Variants in RAB20 observed in about 807,000 individuals in gnomAD.
RAB20 encodes ras-related protein Rab-20.
Under a neutral mutation model 3.7 loss-of-function variants are expected in RAB20, and 2 were observed. The observed-to-expected ratio is 0.54, with a 90% CI of 0.22 to 1.69. RAB20 has a LOEUF of 1.69. Ranked by LOEUF, RAB20 falls within the 40% of genes most tolerant of loss-of-function variation. The pLI, the probability that RAB20 is intolerant of heterozygous loss-of-function variation, is 0.19. For missense variants in RAB20, 276 were observed against 311.9 expected (o/e 0.88, Z 0.87); for synonymous variants, 126 against 130.8 (o/e 0.96, Z 0.25).
At chr13:110,542,846 CTAGTTT>C (rs1884788297) in intron 1 of RAB20, among the ~76,000 whole-genome samples, 1 of 152,136 alleles carries the variant, frequency 6.6e-6, no homozygotes, top group African/African-American at 2.4e-5. Context: ...ATCATTTGTT[CTAGTTT>C]TAATTTTTTG....
At chr13:110,525,336 C>T (rs963059285) in intron 1 of RAB20, among the ~76,000 whole-genome samples, 1 of 152,256 alleles carries the variant, frequency 6.6e-6, no homozygotes, top group Non-Finnish European at 1.5e-5. Flanking sequence ...GCTCTGTGTA[C>T]TTTTACAATG....
chr13:110,538,768 C>T (rs867369988), intron 1 of RAB20, among the ~76,000 whole-genome samples: 1 of 152,104 alleles, frequency 6.6e-6, no homozygotes, highest in South Asian at 2.1e-4. Context: ...GCAGCAGGGG[C>T]GAGACCGTGA....
Position 110,523,561 on chromosome 13 carries a change from C to T in RAB20, c.*104G>A. The T allele has an allele frequency of 6.7e-7, 1 of 1,501,212 alleles. No homozygotes were observed. The highest frequency in any genetic ancestry group is 1.4e-5 in the African/African-American group (1 of 71,808). The allele number at this position is 1,501,212 out of a possible 1,614,324, so 93.0% of individuals were successfully genotyped here. On this transcript the variant is annotated 3_prime_UTR_variant, in exon 2 of 2. Transcript: ENST00000267328. ...CCAACATTCTGCTGCGGGTGTCATT[C>T]TGGAAAATAATTCCTTGCTGTTCCT...
At position 110,561,502 on chromosome 13, in the gene RAB20, G is replaced by C. The variant is rs1193956403; in HGVS notation, c.18C>G (p.Ser6Arg). ...TCATGTCCCCCAGGAGCACGATCTT[G>C]CTGTCGGGCTTCCTCATCTTCCCGT... MRKPDSKIVLLGDMNV... is the reference protein window; with the variant it reads MRKPDRKIVLLGDMNV... Residue 6 changes from serine to arginine, a missense_variant, in exon 1 of 2, where the codon AGC becomes AGG. By Grantham distance (110) the Ser-to-Arg change is moderately radical (BLOSUM62 -1). Coordinates refer to ENST00000267328, the MANE Select transcript of RAB20 (RefSeq NM_017817.3). The C allele has an allele frequency of 3.2e-6, 5 of 1,583,602 alleles. No homozygotes were observed. The Admixed American group carries it at 8.8e-5, about 28-fold the overall frequency.
intron 1 of RAB20, among the ~76,000 whole-genome samples, chr13:110,541,765 T>C (rs551888192): frequency 1.6e-4 from 24 of 152,050 alleles, no homozygotes; most frequent in African/African-American, 5.8e-4. Flanking sequence ...GGGACTTCCC[T>C]AAGGGCTAGC....
intron 1 of RAB20, among the ~76,000 whole-genome samples, chr13:110,547,947 A>C (rs1884884228): frequency 6.6e-6 from 1 of 152,212 alleles, no homozygotes; most frequent in South Asian, 2.1e-4. Flanking sequence ...ATAGGTAAGC[A>C]TTTCAGATAT....
In RAB20 at chr13:110,537,137, C is replaced by G. The variant is rs142447868; in HGVS notation, c.173-12940G>C. On this transcript the variant is annotated intron_variant, in intron 1 of 1. Coordinates refer to ENST00000267328, the MANE Select transcript of RAB20 (RefSeq NM_017817.3). ...CTGGGACTACAGGCTCACGCCACTA[C>G]GCCTGGGTAATTTTTATTTTTATTT... Among the ~76,000 whole-genome samples the G allele has an allele frequency of 1.5e-3, 229 of 151,864 alleles. 3 individuals carry two copies. The highest frequency in any genetic ancestry group is 0.013 in the Admixed American group (198 of 15,248).
chr13:110,523,590 T>C lies in RAB20; in HGVS notation c.*75A>G. 1.9e-6 allele frequency: 3 copies of C among 1,547,966 alleles called. No homozygotes were observed. The highest frequency in any genetic ancestry group is 4.5e-5 in the East Asian group (2 of 44,192). On this transcript the variant is annotated 3_prime_UTR_variant, in exon 2 of 2. Coordinates refer to ENST00000267328, the MANE Select transcript of RAB20 (RefSeq NM_017817.3). ...AAAATAATTCCTTGCTGTTCCTTGC[T>C]CCTTTCAGATCACAGCTTGCCTGGT...
chr13:110,532,374 T>C (rs903335274), intron 1 of RAB20, among the ~76,000 whole-genome samples: 7 of 152,208 alleles, frequency 4.6e-5, no homozygotes, highest in African/African-American at 1.7e-4. Flanking sequence ...ACTTTCATTA[T>C]TTATTTATTT....
At chr13:110,553,409 T>C (rs934083554) in intron 1 of RAB20, among the ~76,000 whole-genome samples, 1 of 152,216 alleles carries the variant, frequency 6.6e-6, no homozygotes, top group African/African-American at 2.4e-5. Context: ...TCTATACCTA[T>C]GGGAACAGAC....
At chr13:110,548,733 C>T (rs964457744) in intron 1 of RAB20, among the ~76,000 whole-genome samples, 4 of 152,042 alleles carry the variant, frequency 2.6e-5, no homozygotes, top group Non-Finnish European at 4.4e-5. Flanking sequence ...GACAAAAACC[C>T]ACCTCAAATC....
At position 110,523,196 on chromosome 13, in the gene RAB20, C is replaced by A; in HGVS notation, c.*469G>T. 2.5e-6 allele frequency: 1 copy of A among 404,860 alleles called. No homozygotes were observed. Among genetic ancestry groups the A allele is most frequent in the Admixed American group, 4.2e-5 (1 of 24,030 alleles). The allele number at this position is 404,860 out of a possible 1,614,324, so 25.1% of individuals were successfully genotyped here. ...GTCAGGATTATAAAGCATCAAGATA[C>A]AAGTACCAAGTGGGAGGACCAAAGA... On this transcript the variant is annotated 3_prime_UTR_variant, in exon 2 of 2. Transcript: ENST00000267328.
intron 1 of RAB20, among the ~76,000 whole-genome samples, chr13:110,556,769 T>A (rs1885045559): frequency 6.6e-6 from 1 of 152,172 alleles, no homozygotes; most frequent in Admixed American, 6.5e-5. Flanking sequence ...TAGGTTCAGG[T>A]GATCCTTTCA....
chr13:110,537,792 C>T (rs932670207), intron 1 of RAB20, among the ~76,000 whole-genome samples: 1 of 152,102 alleles, frequency 6.6e-6, no homozygotes. Flanking sequence ...CCCTGCGGGG[C>T]TCAGTGCATC....
chr13:110,524,262 A>C, intron 1 of RAB20, 65 bp from the exon 2 acceptor site: 1 of 1,509,544 alleles, frequency 6.6e-7, no homozygotes, highest in Non-Finnish European at 8.8e-7. Flanking sequence ...CACCAGCCAC[A>C]CTGCAAGGGA....
chr13:110,523,500 T>G lies in RAB20; in HGVS notation c.*165A>C, dbSNP rs560821831. On this transcript the variant is annotated 3_prime_UTR_variant, in exon 2 of 2. Transcript: ENST00000267328. ...ACAGAGACTGAGGAGACCACACACG[T>G]TGACCTCCTCTTCATAGCCAGCCAT... 2 of 1,294,770 alleles carry G rather than the reference T, an allele frequency of 1.5e-6. No homozygotes were observed. The highest frequency in any genetic ancestry group is 2.5e-5 in the East Asian group (1 of 39,348). The allele number at this position is 1,294,770 out of a possible 1,614,324, so 80.2% of individuals were successfully genotyped here.
At chr13:110,534,682 G>A (rs1884607648) in intron 1 of RAB20, among the ~76,000 whole-genome samples, 1 of 152,170 alleles carries the variant, frequency 6.6e-6, no homozygotes, top group Admixed American at 6.5e-5. Flanking sequence ...ACCCCAGGGG[G>A]CTTCCTAGCA....
chr13:110,536,765 C>CT (rs71127951), intron 1 of RAB20, among the ~76,000 whole-genome samples: 12 of 109,456 alleles, frequency 1.1e-4, no homozygotes, highest in African/African-American at 3.3e-4. Context: ...TTTACTTGTA[C>CT]TTTTTTTTTT....
intron 1 of RAB20, among the ~76,000 whole-genome samples, chr13:110,536,240 G>A (rs560526305): frequency 6.0e-4 from 91 of 152,234 alleles, no homozygotes; most frequent in Non-Finnish European, 1.1e-3. Flanking sequence ...TGAGGTGCAC[G>A]GCCCTGCCGA....
Sources: gnomAD v4.1 joint callset for allele counts (sites outside exome capture counted in the v4.1 genomes callset) on GRCh38, gnomAD v4.1.1 for gene constraint, MANE v1.5 for transcripts, NCBI Gene and HGNC (gene_info 2026-07-23, HGNC 2026-07-21) for gene names.